CACNA1E: variants seen among roughly 807,000 people sequenced by gnomAD.
CACNA1E encodes voltage-dependent R-type calcium channel subunit alpha-1E.
In CACNA1E, 40 loss-of-function variants were observed where a neutral mutation model predicts 259.2. That is an observed-to-expected ratio of 0.15 (90% CI 0.12 to 0.20). CACNA1E has a LOEUF of 0.20. CACNA1E is among the 10% of genes least tolerant of loss of function. The pLI, the probability that CACNA1E is intolerant of heterozygous loss-of-function variation, is 1.00. For synonymous variants in CACNA1E, 1,104 were observed against 1,138.5 expected (o/e 0.97, Z 0.61); for missense variants, 1,874 against 3,040.1 (o/e 0.62, Z 9.02).
intron 1 of CACNA1E, among the ~76,000 whole-genome samples, chr1:181,371,876 T>A (rs1263507532): frequency 6.6e-6 from 1 of 152,260 alleles, no homozygotes; most frequent in Non-Finnish European, 1.5e-5. Flanking sequence ...GTCAACTTTG[T>A]GGAAAATCAG....
intron 7 of CACNA1E, among the ~76,000 whole-genome samples, chr1:181,701,267 G>A (rs1248917848): frequency 6.6e-6 from 1 of 152,196 alleles, no homozygotes; most frequent in Non-Finnish European, 1.5e-5. Flanking sequence ...TTTTGGGGAG[G>A]GAGCTGGTTG....
intron 7 of CACNA1E, among the ~76,000 whole-genome samples, chr1:181,656,929 A>G (rs1659253795): frequency 6.6e-6 from 1 of 152,222 alleles, no homozygotes; most frequent in African/African-American, 2.4e-5. Context: ...TAGCCTAGGT[A>G]TGTAGTAGGC....
intron 1 of CACNA1E, among the ~76,000 whole-genome samples, chr1:181,329,717 T>G (rs1247358903): frequency 6.6e-6 from 1 of 152,210 alleles, no homozygotes; most frequent in Non-Finnish European, 1.5e-5. Flanking sequence ...ATCTAATTTA[T>G]GTTCCCCTAT....
rs765519405 is a variant in CACNA1E, at chr1:181,711,078, G to A, written c.1171+9G>A. Reference sequence around the variant, plus strand: ...CTGGATAGACAAAGCAGGTAGGCCTGGGGGGCTGCAGGAGGCTGGTGAGTG... The same window carrying A: ...CTGGATAGACAAAGCAGGTAGGCCTAGGGGGCTGCAGGAGGCTGGTGAGTG... On this transcript the variant is annotated intron_variant, in intron 8 of 47. Transcript: ENST00000367573. The A allele has an allele frequency of 1.9e-6, 3 of 1,591,926 alleles. No homozygotes were observed. Among genetic ancestry groups the A allele is most frequent in the East Asian group, 2.2e-5 (1 of 44,784 alleles).
chr1:181,795,087 G>T, intron 46 of CACNA1E, 43 bp downstream of exon 46: 2 of 1,523,786 alleles, frequency 1.3e-6, no homozygotes, highest in Non-Finnish European at 1.8e-6. Context: ...CAGGCAGTGG[G>T]CTCCTGCCCT....
intron 1 of CACNA1E, among the ~76,000 whole-genome samples, chr1:181,387,862 C>A (rs947599025): frequency 6.6e-6 from 1 of 152,308 alleles, no homozygotes; most frequent in Admixed American, 6.5e-5. Flanking sequence ...TGAGGCTGCC[C>A]TCCTGACCTC....
intron 3 of CACNA1E, among the ~76,000 whole-genome samples, chr1:181,556,067 G>A (rs371818378): frequency 6.6e-6 from 1 of 152,206 alleles, no homozygotes; most frequent in African/African-American, 2.4e-5. Flanking sequence ...CTCCTTTGTT[G>A]TGCCAGTGGT....
chr1:181,487,023 A>ATTT lies in CACNA1E; in HGVS notation c.266+3028_266+3030dup, dbSNP rs113857890. Among the ~76,000 whole-genome samples the ATTT allele has an allele frequency of 1.7e-3, 245 of 145,332 alleles. 1 individual carries two copies. The highest frequency in any genetic ancestry group is 5.9e-3 in the African/African-American group (234 of 39,572). On this transcript the variant is annotated intron_variant, in intron 1 of 47. Transcript: ENST00000367573. ...CTTCTTTGCTCTTTGTAAGTGCCAG[A>ATTT]TTTTTTTTTTTTTTTTTAAGAAAGG...
chr1:181,560,880 A>T (rs1054379092), intron 3 of CACNA1E, among the ~76,000 whole-genome samples: 2 of 152,258 alleles, frequency 1.3e-5, no homozygotes, highest in Non-Finnish European at 2.9e-5. Context: ...ATGTGGTCTG[A>T]ACATACAATG....
At chr1:181,574,595 G>A (rs1249027854) in intron 3 of CACNA1E, among the ~76,000 whole-genome samples, 1 of 152,218 alleles carries the variant, frequency 6.6e-6, no homozygotes, top group Non-Finnish European at 1.5e-5. Context: ...GCCTCCATTA[G>A]AAGTGTTTCA....
At chr1:181,499,415 T>C (rs1285441745) in intron 1 of CACNA1E, among the ~76,000 whole-genome samples, 2 of 152,216 alleles carry the variant, frequency 1.3e-5, no homozygotes, top group African/African-American at 4.8e-5. Context: ...TTCCCAAGCT[T>C]TTCAGGGTGT....
At chr1:181,594,598 A>C (rs890483458) in intron 6 of CACNA1E, among the ~76,000 whole-genome samples, 15 of 152,178 alleles carry the variant, frequency 9.9e-5, no homozygotes, top group African/African-American at 3.6e-4. Flanking sequence ...GGGTTTCGCC[A>C]TGTTGGCCAG....
chr1:181,796,937 A>G (rs2102903928), intron 47 of CACNA1E, 79 bp downstream of exon 47: 1 of 1,090,204 alleles, frequency 9.2e-7, no homozygotes. Context: ...AGTCGTGAGC[A>G]TTTCGCAAAC....
intron 1 of CACNA1E, among the ~76,000 whole-genome samples, chr1:181,387,756 A>G (rs1296219848): frequency 6.6e-6 from 1 of 152,218 alleles, no homozygotes; most frequent in African/African-American, 2.4e-5. Flanking sequence ...TTTTCATAGA[A>G]TAACAGACTT....
intron 6 of CACNA1E, among the ~76,000 whole-genome samples, chr1:181,639,400 A>G (rs1338831634): frequency 1.3e-5 from 2 of 152,344 alleles, no homozygotes; most frequent in East Asian, 3.9e-4. Context: ...GTAGATGCTT[A>G]ACAAGTGGAA....
At chr1:181,684,844 A>T (rs1315859598) in intron 7 of CACNA1E, among the ~76,000 whole-genome samples, 3 of 144,454 alleles carry the variant, frequency 2.1e-5, no homozygotes, top group Non-Finnish European at 4.5e-5. Flanking sequence ...TTCAAGATGG[A>T]TGTTCTTCCT....
At chr1:181,658,295 C>A (rs1659371632) in intron 7 of CACNA1E, among the ~76,000 whole-genome samples, 1 of 152,216 alleles carries the variant, frequency 6.6e-6, no homozygotes, top group Non-Finnish European at 1.5e-5. Context: ...TCTTTTCATT[C>A]TCTTACGTCT....
chr1:181,562,600 G>A (rs182572315), intron 3 of CACNA1E, among the ~76,000 whole-genome samples: 1 of 152,028 alleles, frequency 6.6e-6, no homozygotes, highest in Admixed American at 6.6e-5. Flanking sequence ...TTTCACTTTC[G>A]GAGGTCACGA....
chr1:181,783,616 C>T, intron 39 of CACNA1E, 63 bp from the exon 40 acceptor site: 1 of 922,544 alleles, frequency 1.1e-6, no homozygotes, highest in South Asian at 1.4e-5. Flanking sequence ...CTTCCTTTCT[C>T]ACTGAGATGT....
Sources: gnomAD v4.1 joint callset for allele counts (sites outside exome capture counted in the v4.1 genomes callset) on GRCh38, gnomAD v4.1.1 for gene constraint, MANE v1.5 for transcripts, NCBI Gene and HGNC (gene_info 2026-07-23, HGNC 2026-07-21) for gene names.